The following RGPD8 variants were observed in gnomAD, a reference collection of about 807,000 sequenced individuals.
The protein encoded by RGPD8 is RANBP2-like and GRIP domain-containing protein 8.
A neutral mutation model predicts 89.1 loss-of-function variants in RGPD8; 15 were observed. The ratio of observed to expected loss-of-function variants is 0.17; its 90% CI spans 0.11 to 0.26. RGPD8 has a LOEUF of 0.26. RGPD8 is among the 10% of genes least tolerant of loss of function. The pLI is 1.00. For synonymous variants in RGPD8, 62 were observed against 420.9 expected, an observed-to-expected ratio of 0.15 and a Z score of 10.44; for missense variants, 178 against 1,179.6, an observed-to-expected ratio of 0.15 and a Z score of 12.44.
intron 7 of RGPD8, among the ~76,000 whole-genome samples, chr2:112,411,335 G>A (rs1679190174): frequency 1.4e-5 from 2 of 144,388 alleles, no homozygotes; most frequent in African/African-American, 2.6e-5. Context: ...TTGGGAGGCC[G>A]AGGCAGGTGG....
intron 8 of RGPD8, among the ~76,000 whole-genome samples, chr2:112,404,700 CAAAAAAA>C (rs1318458486): frequency 6.6e-5 from 3 of 45,774 alleles, no homozygotes; most frequent in African/African-American, 2.5e-4. Context: ...ACTAAAAATA[CAAAAAAA>C]AAAAAAAAAA....
rs1333364811 is a variant in RGPD8 at position 112,426,853 on chromosome 2, G to A, written c.73-2546C>T. Among the ~76,000 whole-genome samples, 11 of 130,150 alleles carry A rather than the reference G, an allele frequency of 8.5e-5. No individual in the cohort carries two copies. In the South Asian group the frequency reaches 2.9e-3, roughly 34 times the overall value. The allele number at this position is 130,150 out of a possible 152,430, so 85.4% of individuals were successfully genotyped here. A position where few individuals can be genotyped will look rare whatever the true frequency, so the allele number is the denominator to read the frequency against. ...TTTTTTTTTTTTTTTTTGAGATGGA[G>A]TCTTGCTCTGTCGCCAGGCTGGAGT... is the stretch of plus-strand genomic sequence containing the variant. On this transcript the variant is annotated intron_variant, in intron 1 of 22. Transcript: ENST00000302558.
chr2:112,376,503 A>G (rs1678118387), intron 22 of RGPD8, among the ~76,000 whole-genome samples: 1 of 112,240 alleles, frequency 8.9e-6, no homozygotes, highest in Admixed American at 8.9e-5. Context: ...ACTTATATAT[A>G]TAATTGTTAT....
intron 1 of RGPD8, among the ~76,000 whole-genome samples, chr2:112,427,619 G>T (rs1345056136): frequency 6.6e-6 from 1 of 151,980 alleles, no homozygotes; most frequent in East Asian, 1.9e-4. Flanking sequence ...AATATTTGTG[G>T]CCTACTTTTT....
Position 112,433,415 on chromosome 2 carries a change from G to A in RGPD8, c.39C>T (p.Ala13=). 1.2e-6 allele frequency: 2 copies of A among 1,610,618 alleles called. No individual in the cohort carries two copies. The highest frequency in any genetic ancestry group is 1.1e-5 in the South Asian group (1 of 90,950). The change falls in exon 1 of 23, where the codon GCC becomes GCT. Residue 13 remains alanine, a synonymous_variant. Coordinates refer to ENST00000302558, the MANE Select transcript of RGPD8 (RefSeq NM_001164463.1). The stretch of plus-strand genomic sequence containing the variant: ...GCGACGGGGTGAGACCCAGCACCGA[G>A]GCGACGTACCGCTCCACATCGGCCT... ...RSKADVERYV[A]SVLGLTPSPR...
intron 1 of RGPD8, among the ~76,000 whole-genome samples, chr2:112,426,656 T>C (rs1429256227): frequency 6.7e-6 from 1 of 150,324 alleles, no homozygotes; most frequent in Non-Finnish European, 1.5e-5. Context: ...GAGAGACTTG[T>C]ATGCTTAAAT....
At chr2:112,374,855 ATTC>A (rs1225217057) in intron 22 of RGPD8, among the ~76,000 whole-genome samples, 2 of 96,206 alleles carry the variant, frequency 2.1e-5, no homozygotes, top group African/African-American at 4.6e-5. Context: ...TGTAGTTTAC[ATTC>A]TTTTTTTTTT....
intron 1 of RGPD8, among the ~76,000 whole-genome samples, chr2:112,428,042 T>C (rs1192151368): frequency 6.8e-6 from 1 of 147,428 alleles, no homozygotes; most frequent in Non-Finnish European, 1.5e-5. Flanking sequence ...AAGAAATGAG[T>C]TTCCCAATTG....
intron 3 of RGPD8, 147 bp from the exon 4 acceptor site, chr2:112,422,259 T>C (rs1427615112): frequency 4.4e-5 from 8 of 182,082 alleles, no homozygotes; most frequent in African/African-American, 2.5e-4. Flanking sequence ...TTTAAAGGTG[T>C]TAAAATAAAA....
At chr2:112,420,975 T>C (rs1415542146) in intron 4 of RGPD8, among the ~76,000 whole-genome samples, 1 of 152,306 alleles carries the variant, frequency 6.6e-6, no homozygotes, top group Non-Finnish European at 1.5e-5. Context: ...TTTTCAGACT[T>C]TGGAATATTT....
chr2:112,429,158 C>T (rs1205572976), intron 1 of RGPD8, among the ~76,000 whole-genome samples: 8 of 151,774 alleles, frequency 5.3e-5, no homozygotes, highest in East Asian at 1.9e-4. Context: ...CGGTGGCTCA[C>T]GCCTGTAATC....
chr2:112,430,161 T>C (rs1366993493), intron 1 of RGPD8, among the ~76,000 whole-genome samples: 4 of 152,102 alleles, frequency 2.6e-5, no homozygotes, highest in African/African-American at 9.7e-5. Context: ...TAGAAAGATA[T>C]GATATACAGA....
At chr2:112,402,277 G>GA (rs1678890757) in intron 9 of RGPD8, among the ~76,000 whole-genome samples, 1 of 109,966 alleles carries the variant, frequency 9.1e-6, no homozygotes, top group Non-Finnish European at 1.8e-5. Context: ...AGTCAATATT[G>GA]AAAATGTTAT....
chr2:112,425,172 T>TA (rs1243374092), intron 1 of RGPD8, among the ~76,000 whole-genome samples: 8 of 152,180 alleles, frequency 5.3e-5, no homozygotes, highest in Admixed American at 4.6e-4. Context: ...AACCCTGTGG[T>TA]ACCACTCTCT....
chr2:112,377,280 G>GTTTT (rs1189164529), intron 22 of RGPD8, among the ~76,000 whole-genome samples: 4 of 52,474 alleles, frequency 7.6e-5, no homozygotes, highest in African/African-American at 3.4e-4. Flanking sequence ...CTACATCATA[G>GTTTT]TTTTTTTTTT....
chr2:112,431,724 C>T (rs1445125801), intron 1 of RGPD8, among the ~76,000 whole-genome samples: 1 of 151,806 alleles, frequency 6.6e-6, no homozygotes, highest in Non-Finnish European at 1.5e-5. Flanking sequence ...AGAACCTCCG[C>T]CTCCCGGGTT....
chr2:112,380,697 CTAATA>C (rs1164185503), intron 21 of RGPD8, 122 bp downstream of exon 21: 1 of 533,602 alleles, frequency 1.9e-6, no homozygotes, highest in African/African-American at 2.1e-5. Flanking sequence ...CATCAGGAAT[CTAATA>C]TAAAGATCAA....
chr2:112,408,981 T>C (rs1221156433), intron 7 of RGPD8, among the ~76,000 whole-genome samples: 2 of 146,356 alleles, frequency 1.4e-5, no homozygotes, highest in African/African-American at 2.6e-5. Context: ...TATTTCCTCA[T>C]CTTAACTAAA....
Position 112,422,636 on chromosome 2 carries a change from A to C in RGPD8, c.164T>G (p.Val55Gly), listed in dbSNP as rs1558989267. The C allele has an allele frequency of 1.2e-6, 2 of 1,604,314 alleles. No individual in the cohort carries two copies. Among genetic ancestry groups the C allele is most frequent in the African/African-American group, 2.8e-5 (2 of 72,394 alleles). The change falls in exon 3 of 23, where the codon GTG becomes GGG. Residue 55 changes from valine to glycine, a missense_variant. By Grantham distance (109) the Val-to-Gly change is moderately radical. Coordinates refer to ENST00000302558, the MANE Select transcript of RGPD8 (RefSeq NM_001164463.1). ...GTGAGCTTTGGGATCCCTCTCTTGC[A>C]CATTAATGTAAGTACATATGTATCT... ...AKKYICTYINVQERDPKAHRF... is the reference protein window; with the variant it reads ...AKKYICTYINGQERDPKAHRF...
Sources: gnomAD v4.1 joint callset for allele counts (sites outside exome capture counted in the v4.1 genomes callset) on GRCh38, gnomAD v4.1.1 for gene constraint, MANE v1.5 for transcripts, NCBI Gene and HGNC (gene_info 2026-07-23, HGNC 2026-07-21) for gene names.